Variants in HIVEP2 observed in about 807,000 individuals in gnomAD.
HIVEP2 encodes HIVEP zinc finger 2.
Under a neutral mutation model 180.7 loss-of-function variants are expected in HIVEP2, and 14 were observed. The observed-to-expected ratio is 0.08, with a 90% confidence interval of 0.05 to 0.12. The LOEUF (loss-of-function observed/expected upper bound fraction) is 0.12. Ranked by LOEUF, HIVEP2 falls within the 10% of genes least tolerant of loss-of-function variation. HIVEP2 has a pLI of 1.00. For synonymous variants in HIVEP2, 1,184 were observed against 1,136.4 expected (o/e 1.04, Z -0.84); for missense variants, 2,579 against 3,008.5 (o/e 0.86, Z 3.34).
intron 1 of HIVEP2, among the ~76,000 whole-genome samples, chr6:142,852,870 C>T (rs897404370): frequency 3.3e-5 from 5 of 152,118 alleles, no homozygotes; most frequent in African/African-American, 9.7e-5. Context: ...TGTATCTTTC[C>T]TAGTCTAAAA....
chr6:142,916,910 T>C (rs1406161002), intron 1 of HIVEP2, among the ~76,000 whole-genome samples: 1 of 152,240 alleles, frequency 6.6e-6, no homozygotes, highest in African/African-American at 2.4e-5. Flanking sequence ...TTGTATACCA[T>C]ATTATGATGG....
intron 2 of HIVEP2, among the ~76,000 whole-genome samples, chr6:142,832,360 G>A (rs1775111407): frequency 1.3e-5 from 2 of 151,976 alleles, no homozygotes; most frequent in African/African-American, 4.8e-5. Context: ...GCATATGACA[G>A]GAAAACTTCA....
chr6:142,840,179 T>A (rs1775327408), intron 1 of HIVEP2, among the ~76,000 whole-genome samples: 1 of 152,106 alleles, frequency 6.6e-6, no homozygotes, highest in Non-Finnish European at 1.5e-5. Context: ...AATAGGGAAA[T>A]CAAGAATACC....
At chr6:142,796,306 C>T (rs1188592733) in intron 2 of HIVEP2, among the ~76,000 whole-genome samples, 4 of 152,050 alleles carry the variant, frequency 2.6e-5, no homozygotes, top group South Asian at 2.1e-4. Flanking sequence ...TACCCTGGAC[C>T]GAGCAGTTGA....
chr6:142,763,056 A>G (rs1238070573), intron 7 of HIVEP2, among the ~76,000 whole-genome samples: 1 of 152,202 alleles, frequency 6.6e-6, no homozygotes, highest in African/African-American at 2.4e-5. Flanking sequence ...TGCTAAGCAT[A>G]TCGGGATAGT....
At chr6:142,944,409 AC>A (rs1778256217) in intron 1 of HIVEP2, among the ~76,000 whole-genome samples, 3 of 117,260 alleles carry the variant, frequency 2.6e-5, no homozygotes, top group South Asian at 3.0e-4. Context: ...GCACATCAGC[AC>A]CCCCTCCCCC....
At position 142,772,572 on chromosome 6, in the gene HIVEP2, T is replaced by G; in HGVS notation, c.2167A>C (p.Ile723Leu). 6.2e-7 allele frequency: 1 copy of G among 1,614,244 alleles called. No homozygotes were observed. Among genetic ancestry groups the G allele is most frequent in the Admixed American group, 1.7e-5 (1 of 60,030 alleles). ...CSSIVSTPVG[I>L]MASDYDPKLQ... ...TTGGGGTCATAATCGGAAGCCATGA[T>G]GCCCACAGGAGTGCTTACAATGCTG... is the stretch of plus-strand genomic sequence containing the variant. The change falls in exon 5 of 10, where the codon ATC (isoleucine) becomes CTC (leucine). Residue 723 changes from isoleucine to leucine, a missense_variant. Physicochemically the swap from Ile to Leu is conservative, Grantham distance 5 (BLOSUM62 2). Coordinates refer to ENST00000367603, the MANE Select transcript of HIVEP2 (RefSeq NM_006734.4). This position sits in a 1 kb window ranked among gnomAD's most constrained non-coding sequence, Gnocchi z 4.9.
chr6:142,868,998 C>T (rs1776215508), intron 1 of HIVEP2, among the ~76,000 whole-genome samples: 1 of 152,058 alleles, frequency 6.6e-6, no homozygotes, highest in Non-Finnish European at 1.5e-5. Context: ...GTTGAAAATC[C>T]TAGATCAGTG....
chr6:142,869,014 C>T (rs1309955004), intron 1 of HIVEP2, among the ~76,000 whole-genome samples: 2 of 152,120 alleles, frequency 1.3e-5, no homozygotes, highest in South Asian at 2.1e-4. Context: ...CAGTGGTTCT[C>T]GGCCAAGGGT....
intron 2 of HIVEP2, among the ~76,000 whole-genome samples, chr6:142,795,496 T>C (rs911767202): frequency 6.6e-6 from 1 of 152,218 alleles, no homozygotes; most frequent in African/African-American, 2.4e-5. Flanking sequence ...TTAATCATTT[T>C]GTCCAATTTC....
intron 1 of HIVEP2, among the ~76,000 whole-genome samples, chr6:142,916,253 G>A (rs1250024149): frequency 6.6e-6 from 1 of 152,186 alleles, no homozygotes; most frequent in Admixed American, 6.5e-5. Flanking sequence ...ACCATGCAAA[G>A]CTCAACTACA....
intron 2 of HIVEP2, among the ~76,000 whole-genome samples, chr6:142,798,149 C>A (rs1187906632): frequency 6.6e-6 from 1 of 151,830 alleles, no homozygotes; most frequent in African/African-American, 2.4e-5. Flanking sequence ...AGCCTGATGG[C>A]ACATCTGATA....
At chr6:142,939,050 A>C (rs919946038) in intron 1 of HIVEP2, among the ~76,000 whole-genome samples, 1 of 152,196 alleles carries the variant, frequency 6.6e-6, no homozygotes, top group Non-Finnish European at 1.5e-5. Context: ...TTGATGGTCA[A>C]CTTTCACTAC....
chr6:142,908,938 G>A (rs970778304), intron 1 of HIVEP2, among the ~76,000 whole-genome samples: 10 of 148,522 alleles, frequency 6.7e-5, no homozygotes, highest in Admixed American at 2.7e-4. Flanking sequence ...AAGGAACCAA[G>A]CATAATTTAA....
At chr6:142,796,340 C>T (rs1776277803) in intron 2 of HIVEP2, among the ~76,000 whole-genome samples, 1 of 152,078 alleles carries the variant, frequency 6.6e-6, no homozygotes, top group Non-Finnish European at 1.5e-5. Context: ...ATTTTTGACT[C>T]CTCCAAAACC....
intron 1 of HIVEP2, among the ~76,000 whole-genome samples, chr6:142,897,608 C>T (rs76337491): frequency 8.8e-4 from 134 of 152,246 alleles, no homozygotes; most frequent in African/African-American, 3.1e-3. Flanking sequence ...TGACGCAGAG[C>T]ATATGATTCC....
chr6:142,764,995 C>T (rs746357756), intron 6 of HIVEP2, 21 bp from the exon 7 acceptor site: 1 of 1,585,556 alleles, frequency 6.3e-7, no homozygotes, highest in East Asian at 2.3e-5. Flanking sequence ...AAGAGGGAAT[C>T]CAGTGTGTTT....
At chr6:142,795,936 G>T (rs940207122) in intron 2 of HIVEP2, among the ~76,000 whole-genome samples, 2 of 152,158 alleles carry the variant, frequency 1.3e-5, no homozygotes, top group African/African-American at 4.8e-5. Flanking sequence ...GTGAATCCCT[G>T]TTGGAGCTTG....
At position 142,771,236 on chromosome 6, in the gene HIVEP2, C is replaced by A; in HGVS notation, c.3503G>T (p.Arg1168Ile). ...IMHMDSQESL[R>I]NPLIQPTSYM... ...GGATGTTGGTTGGATCAAGGGATTT[C>A]TCAAAGATTCCTGACTGTCCATGTG... Residue 1168 changes from arginine (R) to isoleucine (I), a missense_variant, in exon 5 of 10, where the codon AGA (arginine) becomes ATA (isoleucine). Arg to Ile is a moderately conservative substitution (Grantham distance 97, BLOSUM62 -3). Transcript: ENST00000367603. This position sits in a 1 kb window ranked among gnomAD's most constrained non-coding sequence, Gnocchi z 5.4. 6.2e-7 allele frequency: 1 copy of A among 1,614,126 alleles called. No individual in the cohort carries two copies. Among genetic ancestry groups the A allele is most frequent in the Non-Finnish European group, 8.5e-7 (1 of 1,180,034 alleles).
Sources: allele counts gnomAD v4.1 joint callset (sites outside exome capture counted in the v4.1 genomes callset), GRCh38; gene constraint gnomAD v4.1.1; non-coding constraint Gnocchi (gnomAD v3.1); transcripts MANE v1.5; gene names NCBI Gene and HGNC (gene_info 2026-07-23, HGNC 2026-07-21).